RABGAP1L: variants seen among roughly 807,000 people sequenced by gnomAD.
The protein encoded by RABGAP1L is rab GTPase-activating protein 1-like.
RABGAP1L carries 63 observed loss-of-function variants against 137.7 expected under a neutral mutation model. The ratio of observed to expected loss-of-function variants is 0.46; its 90% CI spans 0.37 to 0.56. The LOEUF (loss-of-function observed/expected upper bound fraction) is 0.56. RABGAP1L is among the 20% of genes least tolerant of loss of function. The pLI, the probability that RABGAP1L is intolerant of heterozygous loss-of-function variation, is 0.00. For missense variants in RABGAP1L, 1,095 were observed against 1,244.0 expected, an observed-to-expected ratio of 0.88 and a Z score of 1.80; for synonymous variants, 431 against 433.7, an observed-to-expected ratio of 0.99 and a Z score of 0.08.
chr1:174,660,894 C>G (rs1365537527), intron 14 of RABGAP1L, among the ~76,000 whole-genome samples: 1 of 152,170 alleles, frequency 6.6e-6, no homozygotes, highest in Non-Finnish European at 1.5e-5. Flanking sequence ...TTATTGCCTT[C>G]AAAGATACTA....
chr1:174,215,986 T>C (rs930651613), intron 1 of RABGAP1L, among the ~76,000 whole-genome samples: 6 of 152,198 alleles, frequency 3.9e-5, no homozygotes, highest in African/African-American at 1.4e-4. Context: ...GATCCTGTCA[T>C]TTTGCAGCAA....
intron 13 of RABGAP1L, among the ~76,000 whole-genome samples, chr1:174,402,713 G>C (rs987737941): frequency 6.6e-6 from 1 of 152,078 alleles, no homozygotes; most frequent in African/African-American, 2.4e-5. Context: ...AACGTTTGAG[G>C]TGATCTGAAA....
At chr1:174,680,592 C>T (rs1054832955) in intron 14 of RABGAP1L, among the ~76,000 whole-genome samples, 43 of 152,094 alleles carry the variant, frequency 2.8e-4, no homozygotes, top group Non-Finnish European at 5.4e-4. Flanking sequence ...CTCGTAGGAA[C>T]CAACAATAAT....
intron 11 of RABGAP1L, among the ~76,000 whole-genome samples, chr1:174,350,000 G>A (rs1397926100): frequency 6.7e-5 from 8 of 119,080 alleles, no homozygotes; most frequent in African/African-American, 1.2e-4. Flanking sequence ...GTGGCTGGCC[G>A]GGCTGAGGGG....
intron 13 of RABGAP1L, among the ~76,000 whole-genome samples, chr1:174,419,878 G>A (rs766838268): frequency 4.1e-4 from 62 of 152,164 alleles, no homozygotes; most frequent in Admixed American, 1.6e-3. Context: ...TTGGCTGTCC[G>A]CTTTCATTTT....
chr1:174,981,550 C>CTTTTTTTTTTTTTTTTTTTTTTTT (rs10556099), intron 23 of RABGAP1L, among the ~76,000 whole-genome samples: 8 of 66,406 alleles, frequency 1.2e-4, no homozygotes, highest in East Asian at 1.3e-3. Context: ...GTTTTTCCAT[C>CTTTTTTTTTTTTTTTTTTTTTTTT]TTTTTTTTTT....
intron 7 of RABGAP1L, among the ~76,000 whole-genome samples, chr1:174,254,829 T>A (rs541971922): frequency 2.0e-5 from 3 of 152,336 alleles, no homozygotes; most frequent in Admixed American, 6.5e-5. Flanking sequence ...GTAGAATGAT[T>A]TATAATCCTT....
At chr1:174,797,193 C>G (rs1688306771) in intron 18 of RABGAP1L, among the ~76,000 whole-genome samples, 2 of 152,020 alleles carry the variant, frequency 1.3e-5, no homozygotes. Context: ...AATGCTTCAG[C>G]TAGTACTTTT....
intron 13 of RABGAP1L, among the ~76,000 whole-genome samples, chr1:174,459,466 A>T (rs1228754598): frequency 6.6e-6 from 1 of 152,142 alleles, no homozygotes; most frequent in Non-Finnish European, 1.5e-5. Context: ...GGATACCAAA[A>T]TCCACAGATG....
chr1:174,818,600 G>A (rs995076869), intron 19 of RABGAP1L, among the ~76,000 whole-genome samples: 1 of 152,198 alleles, frequency 6.6e-6, no homozygotes, highest in Non-Finnish European at 1.5e-5. Flanking sequence ...ATTGGACTGA[G>A]CATGGTGGCT....
chr1:174,751,368 G>A (rs921056148), intron 17 of RABGAP1L, among the ~76,000 whole-genome samples: 1 of 152,190 alleles, frequency 6.6e-6, no homozygotes, highest in Admixed American at 6.5e-5. Context: ...TTTTTGGATA[G>A]CACATTTGGT....
chr1:174,505,359 G>A (rs564254263), intron 13 of RABGAP1L, among the ~76,000 whole-genome samples: 27 of 152,026 alleles, frequency 1.8e-4, no homozygotes, highest in African/African-American at 5.1e-4. Context: ...AGAATATTTC[G>A]TTTACTCTAG....
At chr1:174,833,447 G>GATATATATATATATATATATATATATAT (rs1275423217) in intron 19 of RABGAP1L, among the ~76,000 whole-genome samples, 5 of 16,914 alleles carry the variant, frequency 3.0e-4, no homozygotes, top group African/African-American at 3.6e-4. Context: ...TGTGTGTGTA[G>GATATATATATATATATATATATATATAT]AGATATATAT....
intron 13 of RABGAP1L, among the ~76,000 whole-genome samples, chr1:174,611,961 G>T (rs945980477): frequency 2.1e-4 from 32 of 152,214 alleles, no homozygotes; most frequent in Non-Finnish European, 4.3e-4. Context: ...TTTGGGCTGA[G>T]ACATTGGGGT....
intron 13 of RABGAP1L, among the ~76,000 whole-genome samples, chr1:174,456,451 T>G (rs1217207203): frequency 6.6e-6 from 1 of 152,080 alleles, no homozygotes; most frequent in Non-Finnish European, 1.5e-5. Flanking sequence ...AATTTTTTTT[T>G]GTAATAGATT....
intron 13 of RABGAP1L, among the ~76,000 whole-genome samples, chr1:174,512,262 T>C (rs768749499): frequency 6.6e-6 from 1 of 152,196 alleles, no homozygotes; most frequent in Non-Finnish European, 1.5e-5. Context: ...TAGTATTCTA[T>C]TCATGGTGAT....
At chr1:174,518,015 A>C (rs547850060) in intron 13 of RABGAP1L, among the ~76,000 whole-genome samples, 13 of 152,358 alleles carry the variant, frequency 8.5e-5, no homozygotes, top group Admixed American at 2.6e-4. Context: ...AGACTTAATC[A>C]GAATTGATAT....
At chr1:174,675,921 A>G (rs370389407) in intron 14 of RABGAP1L, among the ~76,000 whole-genome samples, 1 of 152,326 alleles carries the variant, frequency 6.6e-6, no homozygotes, top group South Asian at 2.1e-4. Flanking sequence ...TTCATATGTA[A>G]CAAAAACCTT....
At chr1:174,961,938 C>G (rs532217202) in intron 20 of RABGAP1L, among the ~76,000 whole-genome samples, 18 of 150,846 alleles carry the variant, frequency 1.2e-4, no homozygotes, top group Admixed American at 1.2e-3. Flanking sequence ...GGGCAGATCA[C>G]AAGGTCAGGA....
Sources: gnomAD v4.1 joint callset for allele counts (sites outside exome capture counted in the v4.1 genomes callset) on GRCh38, gnomAD v4.1.1 for gene constraint, MANE v1.5 for transcripts, NCBI Gene and HGNC (gene_info 2026-07-23, HGNC 2026-07-21) for gene names.